Variants in RAB37 observed in about 807,000 individuals in gnomAD.
RAB37 encodes RAB37, member RAS oncogene family, also known as ras-related protein Rab-37.
RAB37 carries 29 observed loss-of-function variants against 33.1 expected under a neutral mutation model. That is an observed-to-expected ratio of 0.88 (90% confidence interval 0.65 to 1.20). The LOEUF (loss-of-function observed/expected upper bound fraction) is 1.20. Among genes scored for constraint, RAB37 ranks in the 50% most tolerant of loss-of-function variants. The pLI, the probability that RAB37 is intolerant of heterozygous loss-of-function variation, is 0.00. For synonymous variants in RAB37, 128 were observed against 119.5 expected (o/e 1.07, Z -0.47); for missense variants, 299 against 301.1 (o/e 0.99, Z 0.05).
intron 1 of RAB37, among the ~76,000 whole-genome samples, chr17:74,682,828 C>T (rs962752435): frequency 3.3e-5 from 5 of 152,090 alleles, no homozygotes; most frequent in South Asian, 2.1e-4. Context: ...CACTTGAACC[C>T]GGGAGGCGGA....
rs530142755 is a variant in RAB37 at position 74,692,552 on chromosome 17, A to G, written c.72+20894A>G. Among the ~76,000 whole-genome samples the G allele has an allele frequency of 2.6e-5, 4 of 152,148 alleles. No individual in the cohort carries two copies. The South Asian group carries it at 8.3e-4, about 32-fold the overall frequency. ...CCTACAGCCTCCTACCTGCTGGGTC[A>G]CCGGCCTGTGGTGCTCAGGGATAGC... On this transcript the variant is annotated intron_variant, in intron 1 of 7. Coordinates refer to the RAB37 transcript ENST00000340415.
rs1269166814 is a variant in RAB37, at chr17:74,729,336, C to A, written c.153C>A (p.Ser51=). The change falls in exon 2 of 8, where the codon TCC becomes TCA. Residue 51 remains serine (S), a synonymous_variant. Coordinates refer to the RAB37 transcript ENST00000340415. The surrounding 1 kb of genome is among the most constrained non-coding windows in gnomAD (Gnocchi z 4.2). ...ATCAGGGCAAGTTCATCCCCGGCTC[C>A]TTCTCGGCCACTGTGGGCATCGGAT... 1 of 1,614,094 alleles carries A rather than the reference C, an allele frequency of 6.2e-7. No homozygotes were observed. The highest frequency in any genetic ancestry group is 1.1e-5 in the South Asian group (1 of 91,078).
chr17:74,683,402 G>C (rs1022193946), intron 1 of RAB37, among the ~76,000 whole-genome samples: 17 of 152,306 alleles, frequency 1.1e-4, no homozygotes, highest in African/African-American at 4.1e-4. Context: ...AGCTGCTATG[G>C]AGACGCCTGA....
chr17:74,675,232 C>T (rs2031801040), intron 1 of RAB37, among the ~76,000 whole-genome samples: 1 of 151,960 alleles, frequency 6.6e-6, no homozygotes, highest in Non-Finnish European at 1.5e-5. Flanking sequence ...GTCAGGAGAT[C>T]GAGACCATCC....
chr17:74,742,603 G>A lies in RAB37; in HGVS notation c.246+308G>A, dbSNP rs1472866901. 6.6e-6 allele frequency among the ~76,000 whole-genome samples: 1 copy of A among 151,958 alleles called. No individual in the cohort carries two copies. The highest frequency in any genetic ancestry group is 1.5e-5 in the Non-Finnish European group (1 of 67,972). ...CCCCAACCCCTGAGCTAGGGGAGAG[G>A]AGAAGATTCTTTTTTTTTCTTTTCT... On this transcript the variant is annotated intron_variant, in intron 3 of 8. Coordinates refer to ENST00000392613, the MANE Select transcript of RAB37 (RefSeq NM_001006638.3). This position sits in a 1 kb window ranked among gnomAD's most constrained non-coding sequence, Gnocchi z 4.0.
chr17:74,727,267 C>T lies in RAB37; in HGVS notation c.73-1989C>T, dbSNP rs114366984. ...AGATCTATGGACATTGTGTTAGTCCCGGTCTTCCGAAGAGGAGATGTGAAG... is the reference window on the plus strand; with the variant it reads ...AGATCTATGGACATTGTGTTAGTCCTGGTCTTCCGAAGAGGAGATGTGAAG... On this transcript the variant is annotated intron_variant, in intron 1 of 7. Transcript: ENST00000340415. Among the ~76,000 whole-genome samples, 932 of 152,326 alleles carry T rather than the reference C, an allele frequency of 6.1e-3. 10 individuals carry two copies. The highest frequency in any genetic ancestry group is 0.021 in the African/African-American group (872 of 41,572).
chr17:74,732,829 G>T (rs559509716), upstream of RAB37, among the ~76,000 whole-genome samples: 1 of 150,280 alleles, frequency 6.7e-6, no homozygotes, highest in South Asian at 2.1e-4. Context: ...TGTGTGTGTG[G>T]TTTCAGGTGT....
chr17:74,672,601 G>A (rs2031731303), intron 1 of RAB37: 1 of 152,170 alleles, frequency 6.6e-6, no homozygotes, highest in South Asian at 2.1e-4. Context: ...AAAATCCAGA[G>A]AGGAAAAATG....
rs1373806337 is a variant in RAB37, at chr17:74,671,684, C to G, written c.72+26C>G. The G allele has an allele frequency of 6.2e-7, 1 of 1,609,986 alleles. No homozygotes were observed. Among genetic ancestry groups the G allele is most frequent in the Non-Finnish European group, 8.5e-7 (1 of 1,176,230 alleles). On this transcript the variant is annotated intron_variant, in intron 1 of 7. Transcript: ENST00000340415. The surrounding 1 kb of genome is among the most constrained non-coding windows in gnomAD (Gnocchi z 5.0). The stretch of plus-strand genomic sequence containing the variant: ...GTAAACATCTCCTGTATTCCTCAAC[C>G]TAACGTTGGAAGAGGCGCCAGCACC...
intron 1 of RAB37, among the ~76,000 whole-genome samples, chr17:74,692,695 A>C (rs1475845769): frequency 6.6e-6 from 1 of 152,112 alleles, no homozygotes; most frequent in African/African-American, 2.4e-5. Flanking sequence ...TTTGTCCTCC[A>C]GCCAGAGGAC....
chr17:74,683,585 A>G (rs2031996811), intron 1 of RAB37, among the ~76,000 whole-genome samples: 1 of 152,218 alleles, frequency 6.6e-6, no homozygotes, highest in Non-Finnish European at 1.5e-5. Context: ...TGCATTCGCC[A>G]TCTTTAAAGT....
At chr17:74,728,344 T>C (rs1029705080) in intron 1 of RAB37, among the ~76,000 whole-genome samples, 2 of 151,954 alleles carry the variant, frequency 1.3e-5, no homozygotes, top group Non-Finnish European at 2.9e-5. Context: ...ATGTGTACTA[T>C]GTGTATTTGT....
chr17:74,680,995 A>G (rs1442113750), intron 1 of RAB37, among the ~76,000 whole-genome samples: 1 of 152,202 alleles, frequency 6.6e-6, no homozygotes, highest in Non-Finnish European at 1.5e-5. Context: ...CTGCCTGAGA[A>G]TCCTGAGAAT....
At chr17:74,734,904 A>G (rs970197437), upstream of RAB37, among the ~76,000 whole-genome samples, 15 of 147,894 alleles carry the variant, frequency 1.0e-4, no homozygotes, top group Middle Eastern at 3.4e-3. Flanking sequence ...AAAGAGAGAG[A>G]GGAAGGAAGG....
intron 1 of RAB37, among the ~76,000 whole-genome samples, chr17:74,719,713 T>C (rs930986374): frequency 3.3e-5 from 5 of 152,114 alleles, no homozygotes; most frequent in African/African-American, 1.2e-4. Flanking sequence ...AATAGGGTCT[T>C]CCTATGTTTT....
At chr17:74,681,879 T>G (rs2031962125) in intron 1 of RAB37, among the ~76,000 whole-genome samples, 1 of 152,082 alleles carries the variant, frequency 6.6e-6, no homozygotes, top group African/African-American at 2.4e-5. Flanking sequence ...TCCTGTTCAC[T>G]ACCTGCCCTG....
intron 1 of RAB37, among the ~76,000 whole-genome samples, chr17:74,723,363 A>G (rs1218655492): frequency 7.4e-6 from 1 of 135,498 alleles, no homozygotes; most frequent in Non-Finnish European, 1.6e-5. Flanking sequence ...CCACCCCTAC[A>G]CACACACCCC....
chr17:74,704,733 T>C, intron 1 of RAB37: 1 of 1,614,222 alleles, frequency 6.2e-7, no homozygotes, highest in South Asian at 1.1e-5. Context: ...CAGCCTGATC[T>C]GTAAACACAC....
chr17:74,735,018 G>GAAGGAAGGAAGAAAGA (rs1207905817), upstream of RAB37, among the ~76,000 whole-genome samples: 22 of 82,312 alleles, frequency 2.7e-4, no homozygotes, highest in African/African-American at 7.9e-4. Flanking sequence ...AGGAAGGAAG[G>GAAGGAAGGAAGAAAGA]AAGAAAGAAA....
Sources: allele counts gnomAD v4.1 joint callset (sites outside exome capture counted in the v4.1 genomes callset), GRCh38; gene constraint gnomAD v4.1.1; non-coding constraint Gnocchi (gnomAD v3.1); transcripts MANE v1.5; gene names NCBI Gene and HGNC (gene_info 2026-07-23, HGNC 2026-07-21).